The following RERE variants were observed in gnomAD, a reference collection of about 807,000 sequenced individuals.
RERE encodes arginine-glutamic acid dipeptide repeats protein.
Under a neutral mutation model 146.1 loss-of-function variants are expected in RERE, and 40 were observed. The observed-to-expected ratio is 0.27, with a 90% CI of 0.21 to 0.36. The LOEUF is 0.36. Among genes scored for constraint, RERE ranks in the 10% least tolerant of loss-of-function variants. The probability of loss-of-function intolerance (pLI) is 1.00; values close to 1 mark genes in which losing one functional copy is unlikely to be tolerated. For missense variants in RERE, 1,933 were observed against 2,138.7 expected, an observed-to-expected ratio of 0.90 and a Z score of 1.90; for synonymous variants, 1,003 against 866.0, an observed-to-expected ratio of 1.16 and a Z score of -2.78.
chr1:8,569,622 T>C (rs1054525821), intron 4 of RERE, among the ~76,000 whole-genome samples: 5 of 152,226 alleles, frequency 3.3e-5, no homozygotes, highest in Non-Finnish European at 5.9e-5. Flanking sequence ...TTGGGCACAG[T>C]GGCTCACATC....
chr1:8,801,699 A>C (rs1324083046), intron 1 of RERE, among the ~76,000 whole-genome samples: 2 of 152,254 alleles, frequency 1.3e-5, no homozygotes, highest in Non-Finnish European at 2.9e-5. Context: ...TATTCTGTGC[A>C]TACACAGGCA....
intron 7 of RERE, among the ~76,000 whole-genome samples, chr1:8,527,511 T>C (rs1007779374): frequency 2.6e-5 from 4 of 152,174 alleles, no homozygotes; most frequent in Non-Finnish European, 5.9e-5. Flanking sequence ...CAAAATAATA[T>C]GTAATAAATT....
intron 2 of RERE, among the ~76,000 whole-genome samples, chr1:8,627,591 C>A: frequency 9.0e-6 from 1 of 110,892 alleles, no homozygotes. Context: ...GACAGTGAAA[C>A]TGTCTCAAAA....
intron 11 of RERE, among the ~76,000 whole-genome samples, chr1:8,448,641 T>C (rs368380387): frequency 1.2e-4 from 18 of 152,068 alleles, no homozygotes; most frequent in African/African-American, 3.9e-4. Flanking sequence ...GGAAACGTCA[T>C]TGAAGAAACA....
chr1:8,658,060 G>A (rs1638363763), intron 1 of RERE, among the ~76,000 whole-genome samples: 1 of 152,074 alleles, frequency 6.6e-6, no homozygotes, highest in African/African-American at 2.4e-5. Flanking sequence ...CAAACTCCAA[G>A]CTAACACAGT....
chr1:8,541,162 A>G, intron 7 of RERE, 52 bp downstream of exon 7: 3 of 1,001,472 alleles, frequency 3.0e-6, no homozygotes, highest in Non-Finnish European at 4.7e-6. Flanking sequence ...CACACACACA[A>G]ATGAGAAAAG....
chr1:8,734,594 G>A (rs778138472), intron 1 of RERE, among the ~76,000 whole-genome samples: 3 of 151,978 alleles, frequency 2.0e-5, no homozygotes, highest in Middle Eastern at 3.2e-3. Context: ...TCCCTGCCTC[G>A]GTCTGCTCAA....
At chr1:8,518,619 C>A (rs999808400) in intron 7 of RERE, among the ~76,000 whole-genome samples, 9 of 152,138 alleles carry the variant, frequency 5.9e-5, no homozygotes, top group Non-Finnish European at 1.3e-4. Flanking sequence ...ATCAGAATCA[C>A]TTTTTTAGAT....
intron 1 of RERE, among the ~76,000 whole-genome samples, chr1:8,710,891 A>G (rs1639653799): frequency 6.6e-6 from 1 of 152,018 alleles, no homozygotes; most frequent in Non-Finnish European, 1.5e-5. Flanking sequence ...TTACAGTAGC[A>G]AAGTGCTGTA....
At chr1:8,614,214 C>G (rs980746975) in intron 4 of RERE, among the ~76,000 whole-genome samples, 3 of 152,190 alleles carry the variant, frequency 2.0e-5, no homozygotes, top group Non-Finnish European at 2.9e-5. Flanking sequence ...TGGGGAAACG[C>G]ACATTCCACA....
chr1:8,563,898 C>A lies in RERE; in HGVS notation c.523-6375G>T, dbSNP rs548490334. ...GAGTTGTCTGAACATTAGAGGTTTA[C>A]TGTATAATTCAGAAATGTATACATA... On this transcript the variant is annotated intron_variant, in intron 4 of 22. Transcript: ENST00000400908. Among the ~76,000 whole-genome samples, 402 of 152,346 alleles carry A rather than the reference C, an allele frequency of 2.6e-3. 1 individual carries two copies. The highest frequency in any genetic ancestry group is 4.8e-3 in the Admixed American group (74 of 15,308).
At chr1:8,442,699 C>T (rs1236208401) in intron 11 of RERE, among the ~76,000 whole-genome samples, 1 of 152,132 alleles carries the variant, frequency 6.6e-6, no homozygotes, top group Non-Finnish European at 1.5e-5. Context: ...ATGGAAGCAG[C>T]TTTGCAACGG....
At chr1:8,534,053 A>G (rs1214202683) in intron 7 of RERE, among the ~76,000 whole-genome samples, 1 of 152,218 alleles carries the variant, frequency 6.6e-6, no homozygotes, top group Non-Finnish European at 1.5e-5. Context: ...ACAGGAAAAA[A>G]TTTGTATCCA....
At chr1:8,710,747 C>T (rs973872396) in intron 1 of RERE, among the ~76,000 whole-genome samples, 6 of 152,140 alleles carry the variant, frequency 3.9e-5, no homozygotes, top group African/African-American at 1.4e-4. Flanking sequence ...AATCTCCTGA[C>T]CTCTTGATCC....
At chr1:8,419,176 A>C (rs971346475) in intron 12 of RERE, among the ~76,000 whole-genome samples, 1 of 152,204 alleles carries the variant, frequency 6.6e-6, no homozygotes, top group Non-Finnish European at 1.5e-5. Context: ...GGATATTTGC[A>C]CAACCATGAC....
intron 12 of RERE, among the ~76,000 whole-genome samples, chr1:8,382,519 A>G (rs1031330602): frequency 6.6e-6 from 1 of 152,264 alleles, no homozygotes; most frequent in African/African-American, 2.4e-5. Flanking sequence ...TTGACTGTCT[A>G]GCCTTTTTCA....
chr1:8,440,954 A>T (rs1197090381), intron 11 of RERE, among the ~76,000 whole-genome samples: 2 of 128,768 alleles, frequency 1.6e-5, no homozygotes, highest in Non-Finnish European at 1.5e-5. Context: ...AACACACTAA[A>T]TAACAAGAGC....
At chr1:8,680,156 T>C (rs1182112646) in intron 1 of RERE, among the ~76,000 whole-genome samples, 1 of 152,030 alleles carries the variant, frequency 6.6e-6, no homozygotes, top group Non-Finnish European at 1.5e-5. Flanking sequence ...ATACACCTGG[T>C]GGAAAATGGA....
intron 12 of RERE, among the ~76,000 whole-genome samples, chr1:8,414,507 G>C (rs912448194): frequency 6.6e-6 from 1 of 152,100 alleles, no homozygotes; most frequent in Non-Finnish European, 1.5e-5. Flanking sequence ...GGTGAGCTGA[G>C]ATCGCGCCAC....
Sources: allele counts gnomAD v4.1 joint callset (sites outside exome capture counted in the v4.1 genomes callset), GRCh38; gene constraint gnomAD v4.1.1; transcripts MANE v1.5; gene names NCBI Gene and HGNC (gene_info 2026-07-23, HGNC 2026-07-21).